The following HGF variants were observed in gnomAD, a reference collection of about 807,000 sequenced individuals.
HGF encodes the protein hepatocyte growth factor.
A neutral mutation model predicts 111.6 loss-of-function variants in HGF; 39 were observed. The ratio of observed to expected loss-of-function variants is 0.35; its 90% CI spans 0.27 to 0.46. HGF has a LOEUF of 0.46. Ranked by LOEUF, HGF falls within the 20% of genes least tolerant of loss-of-function variation. HGF has a pLI of 1.00. For missense variants in HGF, 735 were observed against 910.5 expected, an observed-to-expected ratio of 0.81 and a Z score of 2.48; for synonymous variants, 285 against 294.8, an observed-to-expected ratio of 0.97 and a Z score of 0.34.
At chr7:81,765,967 T>C (rs554225745) in intron 1 of HGF, among the ~76,000 whole-genome samples, 1 of 152,296 alleles carries the variant, frequency 6.6e-6, no homozygotes, top group Non-Finnish European at 1.5e-5. Context: ...TACAAATTTG[T>C]CATGCTTTCC....
At chr7:81,730,149 A>G (rs1787598380) in intron 7 of HGF, among the ~76,000 whole-genome samples, 1 of 152,120 alleles carries the variant, frequency 6.6e-6, no homozygotes, top group Non-Finnish European at 1.5e-5. Flanking sequence ...TTTTCCTCCA[A>G]TATAATACAT....
chr7:81,713,758 A>ATC (rs1789634717), intron 11 of HGF, among the ~76,000 whole-genome samples: 2 of 152,180 alleles, frequency 1.3e-5, no homozygotes, highest in Non-Finnish European at 2.9e-5. Flanking sequence ...AAAACTTGAA[A>ATC]AACTACTTTC....
chr7:81,699,411 T>C lies in HGF; in HGVS notation c.*3170A>G, dbSNP rs2115726162. 1 of 151,758 alleles carries C rather than the reference T, an allele frequency of 6.6e-6. No individual in the cohort carries two copies. The highest frequency in any genetic ancestry group is 3.4e-3 in the Middle Eastern group (1 of 294). 9.4% of individuals were successfully genotyped at this position (151,758 alleles called of 1,614,324 possible). A position where few individuals can be genotyped will look rare whatever the true frequency, so the allele number is the denominator to read the frequency against. On this transcript the variant is annotated 3_prime_UTR_variant, in exon 18 of 18. Transcript: ENST00000222390. ...CATGACAAGTGATTTATTTTAAAAT[T>C]ATGTATTTTAAAAACAAAGGCCATG... is the stretch of plus-strand genomic sequence containing the variant.
At chr7:81,743,519 C>T (rs1435045517) in intron 6 of HGF, 48 bp from the exon 7 acceptor site, 1 of 1,111,892 alleles carries the variant, frequency 9.0e-7, no homozygotes, top group Non-Finnish European at 1.4e-6. Context: ...CCTGGAAACA[C>T]CACCCACCCC....
chr7:81,732,902 A>T (rs912936261), intron 7 of HGF, among the ~76,000 whole-genome samples: 18 of 152,158 alleles, frequency 1.2e-4, no homozygotes, highest in Admixed American at 1.1e-3. Context: ...TATACAGGAA[A>T]ATAGTTCACT....
intron 4 of HGF, 48 bp from the exon 5 acceptor site, chr7:81,752,310 T>G: frequency 6.4e-7 from 1 of 1,554,436 alleles, no homozygotes; most frequent in South Asian, 1.1e-5. Context: ...TGCAACTTTT[T>G]TTTGCCTATT....
chr7:81,763,885 T>C (rs991968211), intron 1 of HGF, among the ~76,000 whole-genome samples: 1 of 152,130 alleles, frequency 6.6e-6, no homozygotes, highest in African/African-American at 2.4e-5. Context: ...AAAAAATTAA[T>C]TGACCACTTA....
At position 81,743,465 on chromosome 7, in the gene HGF, G is replaced by A. The variant is rs755250749; in HGVS notation, c.753C>T (p.Pro251=). ...HRHKFLPERY[P]DKGFDDNYCR... is the part of the protein sequence containing the mutation. ...AATAATTATCATCAAAGCCCTTGTC[G>A]GGATATCTGCAAACCACACCAAGAA... Residue 251 remains proline, a synonymous_variant, in exon 7 of 18, where the codon CCC becomes CCT. Coordinates refer to ENST00000222390, the MANE Select transcript of HGF (RefSeq NM_000601.6). 6.6e-5 allele frequency: 105 copies of A among 1,602,590 alleles called. No individual in the cohort carries two copies. Among genetic ancestry groups the A allele is most frequent in the Non-Finnish European group, 7.9e-5 (92 of 1,169,712 alleles).
chr7:81,744,386 G>A (rs1202709973), intron 6 of HGF, among the ~76,000 whole-genome samples: 1 of 151,124 alleles, frequency 6.6e-6, no homozygotes, highest in East Asian at 1.9e-4. Context: ...TTAGTTGCCT[G>A]ACTTCTCCAA....
chr7:81,722,854 T>TATATATATATATATATACAC (rs1256240012), intron 9 of HGF, among the ~76,000 whole-genome samples: 3 of 145,664 alleles, frequency 2.1e-5, no homozygotes, highest in African/African-American at 7.9e-5. Context: ...GGTATATATA[T>TATATATATATATATATACAC]ATATATATGT....
chr7:81,710,914 T>C (rs1309475058), intron 12 of HGF, among the ~76,000 whole-genome samples: 1 of 152,144 alleles, frequency 6.6e-6, no homozygotes, highest in African/African-American at 2.4e-5. Context: ...CAGCAGGTGG[T>C]ATTCTAAATC....
chr7:81,767,459 T>G (rs1789420710), intron 1 of HGF, among the ~76,000 whole-genome samples: 1 of 152,176 alleles, frequency 6.6e-6, no homozygotes, highest in African/African-American at 2.4e-5. Context: ...CTTTACTACT[T>G]GGTTCATATC....
chr7:81,740,991 T>G (rs1787980872), intron 7 of HGF, among the ~76,000 whole-genome samples: 1 of 152,194 alleles, frequency 6.6e-6, no homozygotes, highest in Non-Finnish European at 1.5e-5. Flanking sequence ...CAATGCACAA[T>G]TGAATCCACC....
chr7:81,718,359 A>G (rs1258652328), intron 10 of HGF, among the ~76,000 whole-genome samples: 6 of 152,294 alleles, frequency 3.9e-5, no homozygotes, highest in Admixed American at 2.6e-4. Context: ...AGGTTATGCC[A>G]TATTACATTT....
chr7:81,726,053 A>T (rs1218829640), intron 8 of HGF, 36 bp from the exon 9 acceptor site: 1 of 1,610,460 alleles, frequency 6.2e-7, no homozygotes, highest in South Asian at 1.1e-5. Flanking sequence ...AAATTGCCGG[A>T]GTTCTTACGT....
At chr7:81,726,417 T>C (rs1321797497) in intron 8 of HGF, among the ~76,000 whole-genome samples, 1 of 152,224 alleles carries the variant, frequency 6.6e-6, no homozygotes, top group Non-Finnish European at 1.5e-5. Context: ...CACATATCTC[T>C]CTTTGTGGAA....
At chr7:81,725,199 C>G (rs1789974054) in intron 9 of HGF, among the ~76,000 whole-genome samples, 2 of 152,188 alleles carry the variant, frequency 1.3e-5, no homozygotes, top group Admixed American at 1.3e-4. Flanking sequence ...TCTTTCAGAG[C>G]AAAAGGGCAA....
intron 7 of HGF, chr7:81,742,659 C>G (rs1298896879): frequency 8.1e-7 from 1 of 1,227,454 alleles, no homozygotes; most frequent in Non-Finnish European, 1.0e-6. Context: ...AGGAGAGGAC[C>G]AAGTTCACAG....
At chr7:81,761,876 C>T (rs1789101021) in intron 2 of HGF, among the ~76,000 whole-genome samples, 1 of 152,086 alleles carries the variant, frequency 6.6e-6, no homozygotes, top group South Asian at 2.1e-4. Context: ...ACTAGATTCT[C>T]ATAAGGAGCG....
Sources: gnomAD v4.1 joint callset for allele counts (sites outside exome capture counted in the v4.1 genomes callset) on GRCh38, gnomAD v4.1.1 for gene constraint, MANE v1.5 for transcripts, NCBI Gene and HGNC (gene_info 2026-07-23, HGNC 2026-07-21) for gene names.